The following ZDHHC24 variants were observed in gnomAD, a reference collection of about 807,000 sequenced individuals.
The protein encoded by ZDHHC24 is zDHHC palmitoyltransferase 24, also known as probable palmitoyltransferase ZDHHC24.
ZDHHC24 carries 17 observed loss-of-function variants against 23.2 expected under a neutral mutation model. The observed-to-expected ratio is 0.73, with a 90% CI of 0.50 to 1.10. ZDHHC24 has a LOEUF of 1.10. ZDHHC24 is among the 50% of genes least tolerant of loss of function. ZDHHC24 has a pLI of 0.00. For synonymous variants in ZDHHC24, 186 were observed against 194.5 expected (o/e 0.96, Z 0.36); for missense variants, 366 against 393.0 (o/e 0.93, Z 0.58).
rs1335446156 is a variant in ZDHHC24, at chr11:66,538,998, T to C, written c.*531A>G. 1 of 154,126 alleles carries C rather than the reference T, an allele frequency of 6.5e-6. No individual in the cohort carries two copies. The allele number at this position is 154,126 out of a possible 1,614,324, so 9.5% of individuals were successfully genotyped here. A position where few individuals can be genotyped will look rare whatever the true frequency, so the allele number is the denominator to read the frequency against. The stretch of plus-strand genomic sequence containing the variant: ...ACCAGGTTAGCTAAGAGAGGTTCCA[T>C]GAAACTGCTGTTGCAGAAATGCTTC... On this transcript the variant is annotated 3_prime_UTR_variant, in exon 3 of 3. Transcript: ENST00000310442.
downstream of ZDHHC24, chr11:66,531,622 G>C: frequency 3.1e-6 from 5 of 1,613,906 alleles, no homozygotes; most frequent in Non-Finnish European, 4.2e-6. Flanking sequence ...TGGCACGAGG[G>C]CTGGTTTCCT....
At position 66,523,502 on chromosome 11, in the gene ZDHHC24, G is replaced by A. The variant is rs769422545; in HGVS notation, c.*22-2036C>T. ...CTGCATCGAGCTGAGCGCCCAGCCT[G>A]TGGGACTTATCCGGGTACACAAGGT... On this transcript the variant is annotated intron_variant, in intron 4 of 4. Coordinates refer to the ZDHHC24 transcript ENST00000526986. The A allele has an allele frequency of 3.2e-5, 52 of 1,614,128 alleles. No individual in the cohort carries two copies. The highest frequency in any genetic ancestry group is 4.2e-5 in the Non-Finnish European group (49 of 1,180,010).
chr11:66,528,662 C>G (rs561668461), intron 3 of ZDHHC24, among the ~76,000 whole-genome samples: 1 of 152,192 alleles, frequency 6.6e-6, no homozygotes, highest in Admixed American at 6.5e-5. Context: ...CAACTTGCTT[C>G]TAGAAAAGAA....
chr11:66,531,069 C>T (rs1856759945), downstream of ZDHHC24: 1 of 1,612,684 alleles, frequency 6.2e-7, no homozygotes, highest in African/African-American at 1.3e-5. Context: ...TGGGAAAGGC[C>T]AGGGCAGGGG....
At position 66,543,922 on chromosome 11, in the gene ZDHHC24, C is replaced by T. The variant is rs775131892; in HGVS notation, c.341G>A (p.Arg114His). 49 of 1,613,870 alleles carry T rather than the reference C, an allele frequency of 3.0e-5. No individual in the cohort carries two copies. The highest frequency in any genetic ancestry group is 6.7e-5 in the East Asian group (3 of 44,894). Residue 114 changes from arginine to histidine, a missense_variant, in exon 2 of 3, where the codon CGC (arginine) becomes CAC (histidine). Coordinates refer to ENST00000310442, the MANE Select transcript of ZDHHC24 (RefSeq NM_207340.3). ...PPRSGHCSAC[R>H]VCILRRDHHC... ...GTGGTCCCGACGCAGGATGCAGACG[C>T]GGCAGGCAGAGCAGTGTCCGCTGCG...
At chr11:66,522,700 T>G (rs1856296815) in intron 4 of ZDHHC24, among the ~76,000 whole-genome samples, 1 of 152,214 alleles carries the variant, frequency 6.6e-6, no homozygotes, top group African/African-American at 2.4e-5. Context: ...CTATGCATTA[T>G]GCAGTGTGTG....
In ZDHHC24 at chr11:66,523,897, C is replaced by T. The variant is rs371084544; in HGVS notation, c.*22-2431G>A. ...TCCACACCCCGGTGAGCCCCATCTC[C>T]GGCATCTGCCACTCACTCCTCCTTG... On this transcript the variant is annotated intron_variant, in intron 4 of 4. Transcript: ENST00000526986. 73 of 1,612,100 alleles carry T rather than the reference C, an allele frequency of 4.5e-5. No homozygotes were observed. The highest frequency in any genetic ancestry group is 1.3e-4 in the African/African-American group (10 of 75,064).
chr11:66,539,878 TG>T, intron 2 of ZDHHC24, 54 bp from the exon 3 acceptor site: 2 of 1,459,110 alleles, frequency 1.4e-6, no homozygotes, highest in Admixed American at 4.7e-5. Context: ...CCGGCTTTCC[TG>T]CCACCTGCTC....
chr11:66,543,775 G>A lies in ZDHHC24; in HGVS notation c.488C>T (p.Ala163Val), dbSNP rs770138434. Residue 163 changes from alanine to valine, a missense_variant, in exon 2 of 3, where the codon GCC (alanine) becomes GTC (valine). Transcript: ENST00000310442. ...VSVLLGPALS[A>V]LLRAHTPLHM... Reference sequence around the variant, plus strand: ...GAGGGGCGTGTGGGCTCGCAGCAGGGCCGACAGTGCAGGGCCCAGCAGCAC... The same window carrying A: ...GAGGGGCGTGTGGGCTCGCAGCAGGACCGACAGTGCAGGGCCCAGCAGCAC... The A allele has an allele frequency of 6.2e-7, 1 of 1,610,600 alleles. No individual in the cohort carries two copies. Among genetic ancestry groups the A allele is most frequent in the Non-Finnish European group, 8.5e-7 (1 of 1,178,452 alleles).
Position 66,539,730 on chromosome 11 carries a change from C to G in ZDHHC24, c.654G>C (p.Gly218=), listed in dbSNP as rs149866850. 1.9e-6 allele frequency: 3 copies of G among 1,613,110 alleles called. No individual in the cohort carries two copies. Among genetic ancestry groups the G allele is most frequent in the Admixed American group, 3.3e-5 (2 of 59,968 alleles). ...LLCGAGLLFH[G]MLLLRGQTTW... is the part of the protein sequence containing the mutation. ...TGGTCTGGCCCCGCAGCAGCAGCAT[C>G]CCATGGAAGAGCAGCCCAGCCCCGC... Residue 218 remains glycine (G), a synonymous_variant, in exon 3 of 3, where the codon GGG becomes GGC. Coordinates refer to ENST00000310442, the MANE Select transcript of ZDHHC24 (RefSeq NM_207340.3).
chr11:66,523,894 C>T (rs373232200), intron 4 of ZDHHC24: 1 of 1,612,178 alleles, frequency 6.2e-7, no homozygotes, highest in African/African-American at 1.3e-5. Flanking sequence ...TGAGCCCCAT[C>T]TCCGGCATCT....
At chr11:66,531,684 A>AC, downstream of ZDHHC24, 1 of 1,613,426 alleles carries the variant, frequency 6.2e-7, no homozygotes, top group Non-Finnish European at 8.5e-7. Flanking sequence ...GGGCTCAACT[A>AC]CCCCCTGGAG....
At chr11:66,532,992 G>A (rs1791686), downstream of ZDHHC24, 52,777 of 152,140 alleles carry the variant, frequency 0.35, 10,651 homozygotes, top group South Asian at 0.59. Flanking sequence ...CACATCGTGA[G>A]AATTAGCAGG....
intron 3 of ZDHHC24, chr11:66,529,053 A>G: frequency 1.0e-6 from 1 of 983,424 alleles, no homozygotes; most frequent in Non-Finnish European, 1.2e-6. Context: ...GATTAAAAAT[A>G]AATTGTAAAA....
Position 66,545,744 on chromosome 11 carries a change from C to A in ZDHHC24, c.260G>T (p.Arg87Leu). The A allele has an allele frequency of 6.3e-7, 1 of 1,583,602 alleles. No homozygotes were observed. The highest frequency in any genetic ancestry group is 1.1e-5 in the South Asian group (1 of 87,808). Residue 87 changes from arginine (R) to leucine (L), a missense_variant, in exon 1 of 3, where the codon CGC (arginine) becomes CTC (leucine). By Grantham distance (102) the Arg-to-Leu change is moderately radical. Transcript: ENST00000310442. The surrounding 1 kb of genome is among the most constrained non-coding windows in gnomAD (Gnocchi z 4.5). ...PSIRGVMLAG[R>L]GLGQGWAYCY... ...TCACGCCCAGCCCTGGCCCAGACCG[C>A]GGCCGGCCAGCATCACGCCACGGAT... is the stretch of plus-strand genomic sequence containing the variant.
rs1166841600 is a variant in ZDHHC24, at chr11:66,537,166, C to G, written c.*2363G>C. ...CCCCCCAGCAGTATCTATGGACTTT[C>G]ACTTAACCCCATTTTTTGGTCTAGC... On this transcript the variant is annotated 3_prime_UTR_variant, in exon 3 of 3. Coordinates refer to ENST00000310442, the MANE Select transcript of ZDHHC24 (RefSeq NM_207340.3). 1 of 151,928 alleles carries G rather than the reference C, an allele frequency of 6.6e-6. No homozygotes were observed. The highest frequency in any genetic ancestry group is 1.5e-5 in the Non-Finnish European group (1 of 67,922). 9.4% of individuals were successfully genotyped at this position (151,928 alleles called of 1,614,324 possible). A position where few individuals can be genotyped will look rare whatever the true frequency, so the allele number is the denominator to read the frequency against.
intron 4 of ZDHHC24, chr11:66,526,078 C>T (rs781649752): frequency 2.5e-6 from 4 of 1,595,684 alleles, no homozygotes; most frequent in Non-Finnish European, 3.4e-6. Flanking sequence ...TCTTGCTTTC[C>T]TCTCCAAGAT....
Position 66,545,989 on chromosome 11 carries a change from C to G in ZDHHC24, c.15G>C (p.Trp5Cys), listed in dbSNP as rs1362303213. The change falls in exon 1 of 3, where the codon TGG (tryptophan) becomes TGC (cysteine). Residue 5 changes from tryptophan to cysteine, a missense_variant. Transcript: ENST00000310442. This position sits in a 1 kb window ranked among gnomAD's most constrained non-coding sequence, Gnocchi z 4.5. MGQP[W>C]AAGSTDGAPA... is the part of the protein sequence containing the mutation. Reference sequence around the variant, plus strand: ...GCGCCCCGTCCGTGCTCCCAGCCGCCCAGGGCTGCCCCATGGCCTGGACAC... The same window carrying G: ...GCGCCCCGTCCGTGCTCCCAGCCGCGCAGGGCTGCCCCATGGCCTGGACAC... 1.3e-5 allele frequency: 18 copies of G among 1,405,662 alleles called. No individual in the cohort carries two copies. The highest frequency in any genetic ancestry group is 1.6e-5 in the Non-Finnish European group (18 of 1,092,880). The allele number at this position is 1,405,662 out of a possible 1,614,324, so 87.1% of individuals were successfully genotyped here.
At chr11:66,529,129 G>A (rs1191439714) in intron 3 of ZDHHC24, 11 of 984,648 alleles carry the variant, frequency 1.1e-5, no homozygotes, top group South Asian at 4.7e-5. Flanking sequence ...ACACATAAAC[G>A]GAAGAGCGAA....
Sources: gnomAD v4.1 joint callset for allele counts (sites outside exome capture counted in the v4.1 genomes callset) on GRCh38, gnomAD v4.1.1 for gene constraint, Gnocchi (gnomAD v3.1) non-coding constraint, MANE v1.5 for transcripts, NCBI Gene and HGNC (gene_info 2026-07-23, HGNC 2026-07-21) for gene names.